Variants in ELMO1 observed in about 807,000 individuals in gnomAD.
ELMO1 encodes the protein engulfment and cell motility protein 1.
ELMO1 carries 26 observed loss-of-function variants against 98.9 expected under a neutral mutation model. The observed-to-expected ratio is 0.26, with a 90% CI of 0.19 to 0.36. The LOEUF (loss-of-function observed/expected upper bound fraction) is 0.36, where lower values mean the gene tolerates loss of function less well. Ranked by LOEUF, ELMO1 falls within the 10% of genes least tolerant of loss-of-function variation. The pLI is 1.00. For synonymous variants in ELMO1, 346 were observed against 346.0 expected (o/e 1.00, Z 0.00); for missense variants, 627 against 935.2 (o/e 0.67, Z 4.30).
intron 16 of ELMO1, among the ~76,000 whole-genome samples, chr7:36,969,351 C>A (rs915485716): frequency 2.6e-5 from 4 of 151,872 alleles, no homozygotes; most frequent in Non-Finnish European, 4.4e-5. Flanking sequence ...AATGTCAGTC[C>A]AGCTATATTT....
At chr7:37,008,536 T>G (rs140774870) in intron 16 of ELMO1, among the ~76,000 whole-genome samples, 6 of 152,298 alleles carry the variant, frequency 3.9e-5, no homozygotes, top group African/African-American at 1.4e-4. Context: ...GGCAATTTAC[T>G]CATTTTTCAT....
chr7:37,146,883 C>A (rs1449667278), intron 13 of ELMO1, among the ~76,000 whole-genome samples: 1 of 152,060 alleles, frequency 6.6e-6, no homozygotes, highest in African/African-American at 2.4e-5. Context: ...CCCAACCACC[C>A]AACAAAACAA....
intron 16 of ELMO1, among the ~76,000 whole-genome samples, chr7:36,994,398 G>C (rs1792066517): frequency 6.6e-6 from 1 of 152,068 alleles, no homozygotes; most frequent in Non-Finnish European, 1.5e-5. Context: ...AACCCTCTAG[G>C]GCTGGTTTTA....
At chr7:37,067,426 T>G (rs1199330751) in intron 15 of ELMO1, among the ~76,000 whole-genome samples, 1 of 152,196 alleles carries the variant, frequency 6.6e-6, no homozygotes, top group African/African-American at 2.4e-5. Flanking sequence ...GCGACAGAAA[T>G]GCAAAGTATT....
chr7:37,276,238 A>T (rs1255413718), intron 4 of ELMO1, among the ~76,000 whole-genome samples: 1 of 152,212 alleles, frequency 6.6e-6, no homozygotes, highest in African/African-American at 2.4e-5. Flanking sequence ...AGCCTGGCAA[A>T]TTGCAAATGC....
chr7:37,073,764 T>G (rs1797410601), intron 15 of ELMO1, among the ~76,000 whole-genome samples: 1 of 152,084 alleles, frequency 6.6e-6, no homozygotes, highest in Non-Finnish European at 1.5e-5. Context: ...TTTATTTTAT[T>G]TTTTGTAGAG....
intron 16 of ELMO1, among the ~76,000 whole-genome samples, chr7:36,984,633 A>G (rs1791363349): frequency 6.6e-6 from 1 of 152,228 alleles, no homozygotes; most frequent in Admixed American, 6.5e-5. Flanking sequence ...AAGGACAACC[A>G]ATAAGATTTC....
intron 1 of ELMO1, among the ~76,000 whole-genome samples, chr7:37,397,357 T>C (rs1260740046): frequency 2.0e-5 from 3 of 152,226 alleles, no homozygotes; most frequent in Non-Finnish European, 2.9e-5. Context: ...AGAAAATTGA[T>C]AGAAGGCTCA....
intron 13 of ELMO1, among the ~76,000 whole-genome samples, chr7:37,156,743 G>A (rs1164798709): frequency 6.6e-6 from 1 of 152,200 alleles, no homozygotes; most frequent in African/African-American, 2.4e-5. Context: ...CAGGTACAAA[G>A]AGGAGCTGGT....
At chr7:37,314,038 CTA>C (rs761558917) in intron 4 of ELMO1, among the ~76,000 whole-genome samples, 1 of 152,200 alleles carries the variant, frequency 6.6e-6, no homozygotes, top group Non-Finnish European at 1.5e-5. Flanking sequence ...GGATGCGAAA[CTA>C]TTGTGGAAAT....
intron 5 of ELMO1, chr7:37,269,618 T>A (rs901513735): frequency 1.3e-5 from 2 of 152,398 alleles, no homozygotes; most frequent in Non-Finnish European, 2.9e-5. Flanking sequence ...ATTTTTTTTG[T>A]ATTTTTAGTA....
At chr7:37,239,199 T>C (rs1328008936) in intron 7 of ELMO1, among the ~76,000 whole-genome samples, 1 of 152,134 alleles carries the variant, frequency 6.6e-6, no homozygotes, top group East Asian at 1.9e-4. Context: ...GGAGTCTCGC[T>C]CTGTCGCCCA....
chr7:37,065,812 G>A (rs1175331126), intron 15 of ELMO1, among the ~76,000 whole-genome samples: 2 of 152,092 alleles, frequency 1.3e-5, no homozygotes, highest in East Asian at 1.9e-4. Flanking sequence ...CAACATTCAC[G>A]CAATCTGGGA....
At chr7:36,955,852 C>T (rs185341158) in intron 16 of ELMO1, among the ~76,000 whole-genome samples, 2 of 152,294 alleles carry the variant, frequency 1.3e-5, no homozygotes, top group East Asian at 1.9e-4. Context: ...AAGTCCAGTT[C>T]AGATATCTCC....
intron 1 of ELMO1, among the ~76,000 whole-genome samples, chr7:37,350,503 G>A (rs1036211227): frequency 1.3e-5 from 2 of 152,166 alleles, no homozygotes; most frequent in African/African-American, 4.8e-5. Context: ...CCGTGGACAC[G>A]CACTTTACTC....
chr7:37,272,497 G>A (rs776168287), intron 4 of ELMO1, among the ~76,000 whole-genome samples: 3 of 152,040 alleles, frequency 2.0e-5, no homozygotes, highest in Non-Finnish European at 4.4e-5. Context: ...GCGAAACCCC[G>A]TCTCTAATAA....
At chr7:37,147,863 A>G (rs761649964) in intron 13 of ELMO1, among the ~76,000 whole-genome samples, 1 of 150,684 alleles carries the variant, frequency 6.6e-6, no homozygotes, top group Admixed American at 6.6e-5. Flanking sequence ...TATTTAGCCC[A>G]GGAAATAAAA....
chr7:37,368,917 T>A (rs2131349139), intron 1 of ELMO1, among the ~76,000 whole-genome samples: 1 of 152,354 alleles, frequency 6.6e-6, no homozygotes, highest in African/African-American at 2.4e-5. Context: ...AAATACATTG[T>A]ATGCCTTTCT....
At chr7:36,958,699 C>T (rs34826229) in intron 16 of ELMO1, among the ~76,000 whole-genome samples, 31,525 of 151,926 alleles carry the variant, frequency 0.21, 3,868 homozygotes, top group African/African-American at 0.32. Context: ...CGTGGCACTA[C>T]AAAACGCCAC....
Sources: allele counts gnomAD v4.1 joint callset (sites outside exome capture counted in the v4.1 genomes callset), GRCh38; gene constraint gnomAD v4.1.1; transcripts MANE v1.5; gene names NCBI Gene and HGNC (gene_info 2026-07-23, HGNC 2026-07-21).